GNAQ: variants seen among roughly 807,000 people sequenced by gnomAD.
The protein encoded by GNAQ is G protein subunit alpha q.
In GNAQ, 8 loss-of-function variants were observed where a neutral mutation model predicts 43.9. The ratio of observed to expected loss-of-function variants is 0.18; its 90% CI spans 0.11 to 0.33. The LOEUF (loss-of-function observed/expected upper bound fraction) is 0.33. GNAQ is among the 10% of genes least tolerant of loss of function. GNAQ has a pLI of 1.00. For synonymous variants in GNAQ, 155 were observed against 170.7 expected, an observed-to-expected ratio of 0.91 and a Z score of 0.71; for missense variants, 158 against 450.8, an observed-to-expected ratio of 0.35 and a Z score of 5.88.
intron 3 of GNAQ, among the ~76,000 whole-genome samples, chr9:77,815,230 G>T (rs910350392): frequency 7.4e-4 from 112 of 152,270 alleles, no homozygotes; most frequent in African/African-American, 2.6e-3. Flanking sequence ...ATGTGTGTAG[G>T]TGTTTTCTAG....
chr9:77,826,554 T>C (rs1323365766), intron 2 of GNAQ, among the ~76,000 whole-genome samples: 1 of 152,222 alleles, frequency 6.6e-6, no homozygotes, highest in Non-Finnish European at 1.5e-5. Context: ...GAGGCACGCC[T>C]TAAGTGCCAA....
intron 2 of GNAQ, among the ~76,000 whole-genome samples, chr9:77,885,716 T>C (rs1007992093): frequency 2.0e-5 from 3 of 151,608 alleles, no homozygotes; most frequent in African/African-American, 7.3e-5. Context: ...CTCATAATTT[T>C]GGACAACTTA....
chr9:77,797,472 C>A (rs1399530534), intron 4 of GNAQ, 48 bp downstream of exon 4: 1 of 1,479,446 alleles, frequency 6.8e-7, no homozygotes, highest in East Asian at 2.3e-5. Flanking sequence ...ACCAAATGTA[C>A]TCAAGGCATA....
intron 5 of GNAQ, among the ~76,000 whole-genome samples, chr9:77,758,750 G>A (rs1054660074): frequency 6.6e-6 from 1 of 152,010 alleles, no homozygotes; most frequent in African/African-American, 2.4e-5. Context: ...CACATGTAAA[G>A]GTAGCTTATG....
At chr9:77,744,903 AC>A (rs1825706805) in intron 5 of GNAQ, among the ~76,000 whole-genome samples, 1 of 152,190 alleles carries the variant, frequency 6.6e-6, no homozygotes. Flanking sequence ...AACAATAACA[AC>A]AACAAAACCT....
chr9:77,843,369 G>A (rs1827522668), intron 2 of GNAQ, among the ~76,000 whole-genome samples: 1 of 152,206 alleles, frequency 6.6e-6, no homozygotes, highest in Non-Finnish European at 1.5e-5. Flanking sequence ...AGAGTGCTAA[G>A]GTGAGAGACA....
At chr9:77,778,557 G>C (rs4744850) in intron 5 of GNAQ, among the ~76,000 whole-genome samples, 81,862 of 151,652 alleles carry the variant, frequency 0.54, 24,932 homozygotes, top group Non-Finnish European at 0.68. Context: ...AAACAATAAT[G>C]ATCATGGTAG....
chr9:77,818,260 C>T (rs879624319), intron 2 of GNAQ, among the ~76,000 whole-genome samples: 11 of 152,230 alleles, frequency 7.2e-5, no homozygotes, highest in Admixed American at 6.5e-4. Context: ...TGTTTCATTC[C>T]ATCCTTGCTG....
rs1823642169 is a variant in GNAQ, at chr9:78,001,368, A to G, written c.136+29732T>C. Reference sequence around the variant, plus strand: ...GTAAGCTGAGATCGCGCCACTGCACACTCCAGCCTGGGTGACAGAGCGACA... The same window carrying G: ...GTAAGCTGAGATCGCGCCACTGCACGCTCCAGCCTGGGTGACAGAGCGACA... On this transcript the variant is annotated intron_variant, in intron 1 of 6. Transcript: ENST00000286548. Among the ~76,000 whole-genome samples, 3 of 151,862 alleles carry G rather than the reference A, an allele frequency of 2.0e-5. No homozygotes were observed. In the South Asian group the frequency reaches 6.2e-4, roughly 32 times the overall value.
At chr9:77,964,341 C>T (rs939360482) in intron 1 of GNAQ, among the ~76,000 whole-genome samples, 1 of 152,056 alleles carries the variant, frequency 6.6e-6, no homozygotes. Flanking sequence ...TTTAATACCC[C>T]TTTCTCAATA....
chr9:77,920,346 G>T (rs150000366), intron 2 of GNAQ, among the ~76,000 whole-genome samples: 8 of 152,162 alleles, frequency 5.3e-5, no homozygotes, highest in African/African-American at 1.7e-4. Context: ...GATTTTGGGG[G>T]ATAAAATTCA....
intron 1 of GNAQ, among the ~76,000 whole-genome samples, chr9:77,977,601 G>C (rs1254340837): frequency 2.6e-5 from 4 of 152,112 alleles, no homozygotes; most frequent in Admixed American, 2.6e-4. Context: ...AGAAAACAAA[G>C]GCAACGCAGA....
At chr9:77,721,790 C>T (rs978139259) in intron 6 of GNAQ, among the ~76,000 whole-genome samples, 7 of 152,110 alleles carry the variant, frequency 4.6e-5, no homozygotes, top group African/African-American at 1.7e-4. Context: ...CACTCTGATT[C>T]CCTGAGTGAT....
chr9:77,932,811 T>C lies in GNAQ; in HGVS notation c.137-10466A>G, dbSNP rs562404246. Among the ~76,000 whole-genome samples the C allele has an allele frequency of 2.1e-3, 323 of 152,270 alleles. 1 individual carries two copies. The highest frequency in any genetic ancestry group is 7.5e-3 in the African/African-American group (310 of 41,542). On this transcript the variant is annotated intron_variant, in intron 1 of 6. Transcript: ENST00000286548. ...CAGTGAAGTAACAGGCCTTGATTTA[T>C]GCTAGGTAAAGAATGGATGACTGTT... is the stretch of plus-strand genomic sequence containing the variant.
intron 2 of GNAQ, among the ~76,000 whole-genome samples, chr9:77,828,716 T>C (rs990453914): frequency 2.0e-5 from 3 of 152,232 alleles, no homozygotes; most frequent in African/African-American, 7.2e-5. Context: ...TCCTGAAATG[T>C]GATCTAACAA....
intron 6 of GNAQ, among the ~76,000 whole-genome samples, chr9:77,725,580 A>C (rs12337770): frequency 4.2e-5 from 1 of 23,562 alleles, no homozygotes; most frequent in African/African-American, 8.1e-5. Context: ...AGGTAACAGT[A>C]AAAAAAAAAA....
At chr9:77,928,227 T>G (rs1829097563) in intron 1 of GNAQ, among the ~76,000 whole-genome samples, 1 of 152,210 alleles carries the variant, frequency 6.6e-6, no homozygotes, top group Non-Finnish European at 1.5e-5. Context: ...ATCCTGCATT[T>G]GAAACACAGC....
intron 2 of GNAQ, among the ~76,000 whole-genome samples, chr9:77,871,209 A>C (rs562654336): frequency 6.6e-6 from 1 of 152,214 alleles, no homozygotes; most frequent in Non-Finnish European, 1.5e-5. Context: ...GGAAACTAAA[A>C]TCTAGTTGAC....
intron 5 of GNAQ, among the ~76,000 whole-genome samples, chr9:77,761,306 C>T (rs1826012686): frequency 7.5e-6 from 1 of 133,464 alleles, no homozygotes. Context: ...GCCAGCCGCC[C>T]CATCCGGGAG....
Sources: allele counts gnomAD v4.1 joint callset (sites outside exome capture counted in the v4.1 genomes callset), GRCh38; gene constraint gnomAD v4.1.1; transcripts MANE v1.5; gene names NCBI Gene and HGNC (gene_info 2026-07-23, HGNC 2026-07-21).